The following ATP6V0A1 variants were observed in gnomAD, a reference collection of about 807,000 sequenced individuals.
The protein encoded by ATP6V0A1 is ATPase H+ transporting V0 subunit a1.
In ATP6V0A1, 43 loss-of-function variants were observed where a neutral mutation model predicts 105.4. That is an observed-to-expected ratio of 0.41 (90% confidence interval 0.32 to 0.53). The LOEUF (loss-of-function observed/expected upper bound fraction) is 0.53. Ranked by LOEUF, ATP6V0A1 falls within the 20% of genes least tolerant of loss-of-function variation. The pLI is 0.30. For missense variants in ATP6V0A1, 676 were observed against 1,051.1 expected (o/e 0.64, Z 4.93); for synonymous variants, 362 against 372.8 (o/e 0.97, Z 0.33).
At chr17:42,509,044 T>C (rs1395305541) in intron 19 of ATP6V0A1, among the ~76,000 whole-genome samples, 1 of 151,604 alleles carries the variant, frequency 6.6e-6, no homozygotes. Flanking sequence ...GCCAGCCTCT[T>C]CCTGCTGCCC....
chr17:42,489,380 T>C (rs944020170), intron 10 of ATP6V0A1, among the ~76,000 whole-genome samples: 2 of 152,064 alleles, frequency 1.3e-5, no homozygotes, highest in East Asian at 1.9e-4. Context: ...TTCTCCTGGC[T>C]CAAAGCAGTT....
rs117202885 is a variant in ATP6V0A1, at chr17:42,501,222, T to C, written c.1922T>C (p.Val641Ala). 1,135 of 1,613,924 alleles carry C rather than the reference T, an allele frequency of 7.0e-4. 5 individuals are homozygous for C. Among genetic ancestry groups the C allele is most frequent in the Admixed American group, 7.0e-3 (420 of 59,924 alleles). ...AAAGGAATTCAGTGTTTCCTGGTAG[T>C]GGTTGCACTACTGTGTGTACCTTGG... ...GQKGIQCFLV[V>A]VALLCVPWML... Residue 641 changes from valine to alanine, a missense_variant, in exon 17 of 22, where the codon GTG becomes GCG. Val to Ala is a moderately conservative substitution (Grantham distance 64). Coordinates refer to ENST00000343619, the MANE Select transcript of ATP6V0A1 (RefSeq NM_001130021.3).
intron 11 of ATP6V0A1, among the ~76,000 whole-genome samples, chr17:42,493,338 A>C (rs1017097250): frequency 6.6e-6 from 1 of 152,178 alleles, no homozygotes; most frequent in Non-Finnish European, 1.5e-5. Flanking sequence ...CTCCATCTGT[A>C]CGTTATCTGA....
At chr17:42,499,764 G>T (rs1409826928) in intron 15 of ATP6V0A1, among the ~76,000 whole-genome samples, 1 of 151,496 alleles carries the variant, frequency 6.6e-6, no homozygotes, top group Non-Finnish European at 1.5e-5. Context: ...CTCCAGTCGG[G>T]GTGACAGAGC....
At chr17:42,517,259 G>C (rs534607222) in intron 21 of ATP6V0A1, among the ~76,000 whole-genome samples, 6 of 152,038 alleles carry the variant, frequency 3.9e-5, no homozygotes, top group Non-Finnish European at 7.4e-5. Context: ...CAACCTGGGC[G>C]ACAGACCGAG....
chr17:42,516,815 G>A (rs569795289), intron 21 of ATP6V0A1, among the ~76,000 whole-genome samples: 4 of 152,358 alleles, frequency 2.6e-5, no homozygotes, highest in Admixed American at 1.3e-4. Flanking sequence ...AGCAGGCTCC[G>A]GAATTGGGCG....
intron 5 of ATP6V0A1, among the ~76,000 whole-genome samples, chr17:42,476,643 G>A (rs2088788197): frequency 2.0e-5 from 3 of 152,098 alleles, no homozygotes; most frequent in Non-Finnish European, 4.4e-5. Flanking sequence ...TCTGATGGGA[G>A]TAAAGGGTGG....
At chr17:42,501,042 C>T in intron 16 of ATP6V0A1, 119 bp downstream of exon 16, 1 of 1,226,452 alleles carries the variant, frequency 8.2e-7, no homozygotes, top group Non-Finnish European at 1.2e-6. Context: ...AGGGCTTTGC[C>T]ACAAAATGTG....
rs370823966 is a variant in ATP6V0A1 at position 42,508,636 on chromosome 17, C to T, written c.2130+47C>T. The T allele has an allele frequency of 5.6e-6, 9 of 1,612,314 alleles. No homozygotes were observed. The African/African-American group carries it at 9.3e-5, about 17-fold the overall frequency. ...CCTTCGTGTTTATCCGGGCTTCTCTCTTCCCATCCTTGTGATCACTCTGCT... is the reference window on the plus strand; with the variant it reads ...CCTTCGTGTTTATCCGGGCTTCTCTTTTCCCATCCTTGTGATCACTCTGCT... On this transcript the variant is annotated intron_variant, in intron 19 of 21. Transcript: ENST00000343619.
At chr17:42,503,522 A>C (rs1045863058) in intron 17 of ATP6V0A1, among the ~76,000 whole-genome samples, 1 of 152,238 alleles carries the variant, frequency 6.6e-6, no homozygotes, top group African/African-American at 2.4e-5. Context: ...AAGATTCAGT[A>C]ACAGCACTTT....
chr17:42,469,011 A>C (rs1340519604), intron 4 of ATP6V0A1, among the ~76,000 whole-genome samples: 1 of 151,904 alleles, frequency 6.6e-6, no homozygotes, highest in Non-Finnish European at 1.5e-5. Context: ...ATGCCTGGCT[A>C]ATTTTTTTGT....
At chr17:42,498,554 G>A (rs538575400) in intron 14 of ATP6V0A1, among the ~76,000 whole-genome samples, 51 of 152,192 alleles carry the variant, frequency 3.4e-4, no homozygotes, top group South Asian at 1.0e-3. Flanking sequence ...TCGACCGGGC[G>A]CGGTGGCTCA....
chr17:42,476,284 T>C (rs1354544595), intron 5 of ATP6V0A1, among the ~76,000 whole-genome samples: 1 of 152,210 alleles, frequency 6.6e-6, no homozygotes, highest in African/African-American at 2.4e-5. Context: ...TTCTATTTTT[T>C]AGGCCTTCAG....
At chr17:42,486,748 A>G (rs2090151558) in intron 9 of ATP6V0A1, among the ~76,000 whole-genome samples, 1 of 152,110 alleles carries the variant, frequency 6.6e-6, no homozygotes, top group Admixed American at 6.5e-5. Context: ...ATGCTGGCCC[A>G]TGTGCAAAGG....
At chr17:42,513,703 C>G in intron 19 of ATP6V0A1, 158 bp from the exon 20 acceptor site, 1 of 699,272 alleles carries the variant, frequency 1.4e-6, no homozygotes, top group South Asian at 1.7e-5. Context: ...GAGCTCAACA[C>G]TGGGTGCTTC....
chr17:42,520,917 G>A, intron 21 of ATP6V0A1, 110 bp from the exon 22 acceptor site: 1 of 937,462 alleles, frequency 1.1e-6, no homozygotes, highest in South Asian at 1.6e-5. Flanking sequence ...CCAGGGAAGG[G>A]AGGCTCGGGG....
intron 1 of ATP6V0A1, among the ~76,000 whole-genome samples, chr17:42,459,360 G>A (rs1336931420): frequency 6.6e-6 from 1 of 152,254 alleles, no homozygotes; most frequent in African/African-American, 2.4e-5. Context: ...AATACCGTGG[G>A]AGGAGGCGAG....
At chr17:42,504,868 C>A (rs956587760) in intron 17 of ATP6V0A1, among the ~76,000 whole-genome samples, 1 of 152,218 alleles carries the variant, frequency 6.6e-6, no homozygotes, top group African/African-American at 2.4e-5. Context: ...GGCCTTGCCT[C>A]TGACAGATAT....
intron 5 of ATP6V0A1, among the ~76,000 whole-genome samples, chr17:42,474,088 C>T (rs149382636): frequency 0.011 from 1,607 of 151,750 alleles, 35 homozygotes; most frequent in African/African-American, 0.036. Flanking sequence ...CTGCAACTGC[C>T]GCCTCCCGGG....
Sources: allele counts gnomAD v4.1 joint callset (sites outside exome capture counted in the v4.1 genomes callset), GRCh38; gene constraint gnomAD v4.1.1; transcripts MANE v1.5; gene names NCBI Gene and HGNC (gene_info 2026-07-23, HGNC 2026-07-21).